Variants in UMAD1 observed in about 807,000 individuals in gnomAD.
The protein encoded by UMAD1 is UBAP1-MVB12-associated (UMA)-domain containing protein 1.
Under a neutral mutation model 6.1 loss-of-function variants are expected in UMAD1, and 8 were observed. That is an observed-to-expected ratio of 1.30 (90% confidence interval 0.76 to 2.35). The LOEUF (loss-of-function observed/expected upper bound fraction) is 2.35, where lower values mean the gene tolerates loss of function less well. UMAD1 is among the 30% of genes most tolerant of loss of function. The pLI is 0.00. For missense variants in UMAD1, 130 were observed against 78.4 expected (o/e 1.66, Z -2.49); for synonymous variants, 56 against 31.4 (o/e 1.78, Z -2.61).
chr7:7,786,076 T>C (rs1782455808), intron 2 of UMAD1, among the ~76,000 whole-genome samples: 1 of 152,242 alleles, frequency 6.6e-6, no homozygotes, highest in South Asian at 2.1e-4. Context: ...CAATATGATG[T>C]CTCATTACTT....
intron 2 of UMAD1, among the ~76,000 whole-genome samples, chr7:7,779,537 C>G (rs778583520): frequency 1.3e-5 from 2 of 152,194 alleles, no homozygotes; most frequent in Non-Finnish European, 2.9e-5. Flanking sequence ...TCCCAAAGTA[C>G]TAAGACCATC....
chr7:7,693,207 A>G (rs183217491), intron 2 of UMAD1, among the ~76,000 whole-genome samples: 7 of 152,278 alleles, frequency 4.6e-5, no homozygotes, highest in Admixed American at 2.0e-4. Flanking sequence ...TACTATTACT[A>G]CTGAAATTGT....
intron 2 of UMAD1, among the ~76,000 whole-genome samples, chr7:7,706,798 C>T (rs1780612725): frequency 6.6e-6 from 1 of 152,140 alleles, no homozygotes; most frequent in Non-Finnish European, 1.5e-5. Context: ...TGCTCTTAAT[C>T]CGTATGTTCT....
intron 2 of UMAD1, among the ~76,000 whole-genome samples, chr7:7,737,968 A>G (rs1781392556): frequency 6.6e-6 from 1 of 152,236 alleles, no homozygotes; most frequent in Admixed American, 6.5e-5. Flanking sequence ...TAGTGTCACT[A>G]AAACTTTGTC....
In UMAD1 at chr7:7,753,861, A is replaced by G. The variant is rs555990000; in HGVS notation, c.83-47809A>G. ...TTGAGGTACCTCCAAACGGTTCTCC[A>G]TAGTGGTTGTACTAATTCACATTCC... On this transcript the variant is annotated intron_variant, in intron 2 of 3. Coordinates refer to ENST00000682710, the MANE Select transcript of UMAD1 (RefSeq NM_001302348.2). Among the ~76,000 whole-genome samples the G allele has an allele frequency of 1.7e-4, 26 of 152,244 alleles. 1 individual carries two copies. The highest frequency in any genetic ancestry group is 1.4e-3 in the Admixed American group (22 of 15,298).
chr7:7,671,199 T>G (rs1412200599), intron 1 of UMAD1, among the ~76,000 whole-genome samples: 1 of 152,256 alleles, frequency 6.6e-6, no homozygotes, highest in Non-Finnish European at 1.5e-5. Flanking sequence ...TTAACTTTAG[T>G]CAGCTTCGTG....
At chr7:7,667,703 C>T (rs1463273661) in intron 1 of UMAD1, among the ~76,000 whole-genome samples, 1 of 152,134 alleles carries the variant, frequency 6.6e-6, no homozygotes, top group Admixed American at 6.6e-5. Flanking sequence ...TAGGGACTGA[C>T]AAAGACAGAA....
intron 2 of UMAD1, among the ~76,000 whole-genome samples, chr7:7,707,177 T>A (rs79795256): frequency 0.018 from 2,780 of 152,254 alleles, 84 homozygotes; most frequent in African/African-American, 0.064. Flanking sequence ...GCAAAATCAG[T>A]TTTTACAACC....
chr7:7,677,489 G>C (rs1254091362), intron 2 of UMAD1, among the ~76,000 whole-genome samples: 1 of 151,882 alleles, frequency 6.6e-6, no homozygotes, highest in East Asian at 1.9e-4. Flanking sequence ...TCCCTCATAT[G>C]AGTGAGAAAA....
chr7:7,818,919 T>C (rs55982567), intron 3 of UMAD1, among the ~76,000 whole-genome samples: 26,568 of 152,188 alleles, frequency 0.17, 2,702 homozygotes, highest in Non-Finnish European at 0.23. Context: ...GCACAGTCTC[T>C]GCTCACTGCA....
At chr7:7,799,393 G>A (rs762881065) in intron 2 of UMAD1, among the ~76,000 whole-genome samples, 4 of 152,358 alleles carry the variant, frequency 2.6e-5, no homozygotes, top group Admixed American at 6.5e-5. Context: ...GTTGTGTGAA[G>A]TTAAGAACGC....
intron 2 of UMAD1, among the ~76,000 whole-genome samples, chr7:7,699,582 A>G (rs1219154858): frequency 1.3e-5 from 2 of 152,218 alleles, no homozygotes; most frequent in Admixed American, 6.5e-5. Context: ...TGATGGTCCA[A>G]TCTGTAAGGT....
chr7:7,693,867 G>A (rs1234499281), intron 2 of UMAD1, among the ~76,000 whole-genome samples: 1 of 151,964 alleles, frequency 6.6e-6, no homozygotes, highest in Non-Finnish European at 1.5e-5. Context: ...TCTGTGGTGG[G>A]TTTTTATATT....
At chr7:7,742,526 G>T in intron 2 of UMAD1, 1 of 521,432 alleles carries the variant, frequency 1.9e-6, no homozygotes, top group Non-Finnish European at 3.8e-6. Context: ...TCAGCTGTAG[G>T]AGGGGCAGGA....
At chr7:7,669,908 G>A (rs1779563037) in intron 1 of UMAD1, among the ~76,000 whole-genome samples, 1 of 151,842 alleles carries the variant, frequency 6.6e-6, no homozygotes, top group Admixed American at 6.6e-5. Flanking sequence ...TTGACTTTTG[G>A]AGCCTAAATT....
chr7:7,653,361 G>T (rs1176475137), intron 1 of UMAD1, among the ~76,000 whole-genome samples: 1 of 152,188 alleles, frequency 6.6e-6, no homozygotes, highest in African/African-American at 2.4e-5. Context: ...CAGTGATTGA[G>T]ATCCAAATGA....
intron 2 of UMAD1, among the ~76,000 whole-genome samples, chr7:7,757,016 T>C (rs911647784): frequency 2.6e-5 from 4 of 152,236 alleles, no homozygotes; most frequent in African/African-American, 9.6e-5. Flanking sequence ...ACTAATATGC[T>C]CCTTCTTTGT....
chr7:7,685,789 T>C (rs895961815), intron 2 of UMAD1: 1 of 152,242 alleles, frequency 6.6e-6, no homozygotes, highest in Admixed American at 6.5e-5. Context: ...AATTTAAGTG[T>C]TTTCTTCCTT....
At chr7:7,846,543 CT>C (rs1382896708) in intron 3 of UMAD1, among the ~76,000 whole-genome samples, 1 of 152,050 alleles carries the variant, frequency 6.6e-6, no homozygotes, top group Non-Finnish European at 1.5e-5. Context: ...ATGATACTAT[CT>C]TAAAAAGCTC....
Sources: gnomAD v4.1 joint callset for allele counts (sites outside exome capture counted in the v4.1 genomes callset) on GRCh38, gnomAD v4.1.1 for gene constraint, MANE v1.5 for transcripts, NCBI Gene and HGNC (gene_info 2026-07-23, HGNC 2026-07-21) for gene names.